The following C19orf38 variants were observed in gnomAD, a reference collection of about 807,000 sequenced individuals.
C19orf38 encodes protein HIDE1.
Under a neutral mutation model 26.6 loss-of-function variants are expected in C19orf38, and 14 were observed. That is an observed-to-expected ratio of 0.53 (90% CI 0.35 to 0.82). C19orf38 has a LOEUF of 0.82. C19orf38 is among the 40% of genes least tolerant of loss of function. The probability of loss-of-function intolerance (pLI) is 0.01; values close to 1 mark genes in which losing one functional copy is unlikely to be tolerated. For missense variants in C19orf38, 261 were observed against 299.5 expected, an observed-to-expected ratio of 0.87 and a Z score of 0.95; for synonymous variants, 132 against 128.5, an observed-to-expected ratio of 1.03 and a Z score of -0.18.
chr19:10,845,617 C>T (rs960111702), upstream of C19orf38, among the ~76,000 whole-genome samples: 3 of 152,108 alleles, frequency 2.0e-5, no homozygotes, highest in African/African-American at 4.8e-5. Context: ...CGGTGGCTCA[C>T]GCCTGTAATC....
intron 6 of C19orf38, among the ~76,000 whole-genome samples, chr19:10,868,053 T>G (rs2073769881): frequency 1.3e-5 from 2 of 152,176 alleles, no homozygotes; most frequent in African/African-American, 4.8e-5. Flanking sequence ...GTTTCCACCT[T>G]TTGGCTGTTG....
intron 6 of C19orf38, among the ~76,000 whole-genome samples, chr19:10,868,125 T>C (rs1322147952): frequency 1.3e-5 from 2 of 152,224 alleles, no homozygotes; most frequent in Admixed American, 1.3e-4. Context: ...CTTTCACTTC[T>C]AGTTTCCTTT....
chr19:10,859,372 ATATATATATATATTTTTT>A lies in C19orf38; in HGVS notation c.462-541_462-524del, dbSNP rs1201595450. On this transcript the variant is annotated intron_variant, in intron 4 of 6. Transcript: ENST00000397820. ...TGTATATATATATATATATATATAT[ATATATATATATATTTTTT>A]TTTTTTTTTTTAGACGGAGTCTCAC... 3.8e-4 allele frequency among the ~76,000 whole-genome samples: 21 copies of A among 54,900 alleles called. 1 individual carries two copies. The highest frequency in any genetic ancestry group is 1.6e-3 in the African/African-American group (21 of 12,836). The allele number at this position is 54,900 out of a possible 152,430, so 36.0% of individuals were successfully genotyped here.
intron 2 of C19orf38, among the ~76,000 whole-genome samples, chr19:10,852,202 T>A (rs1599662111): frequency 6.6e-6 from 1 of 151,344 alleles, no homozygotes; most frequent in Admixed American, 6.6e-5. Flanking sequence ...TAACCTCAAG[T>A]GATCCTCCCA....
intron 1 of C19orf38, 100 bp from the exon 2 acceptor site, chr19:10,850,159 C>A: frequency 8.3e-7 from 1 of 1,202,762 alleles, no homozygotes; most frequent in Non-Finnish European, 1.1e-6. Context: ...TCACAGAAAA[C>A]ACAAGGCTGA....
chr19:10,842,818 G>A (rs1397748583), intron 1 of C19orf38, among the ~76,000 whole-genome samples: 1 of 152,158 alleles, frequency 6.6e-6, no homozygotes, highest in African/African-American at 2.4e-5. Flanking sequence ...TGCCAGCCGG[G>A]GACATCTATG....
At chr19:10,864,185 G>A (rs892635239) in intron 6 of C19orf38, among the ~76,000 whole-genome samples, 3 of 151,862 alleles carry the variant, frequency 2.0e-5, no homozygotes, top group East Asian at 1.9e-4. Context: ...TCAGCCTCCC[G>A]GGCAGCTGGG....
upstream of C19orf38, among the ~76,000 whole-genome samples, chr19:10,846,884 A>C (rs1373102087): frequency 6.6e-6 from 1 of 152,202 alleles, no homozygotes; most frequent in Admixed American, 6.5e-5. Context: ...AAGTTTTCCC[A>C]GAAGTGCTAT....
chr19:10,861,411 A>G (rs1354216414), intron 5 of C19orf38, among the ~76,000 whole-genome samples: 3 of 152,160 alleles, frequency 2.0e-5, no homozygotes, highest in Non-Finnish European at 4.4e-5. Context: ...TCCTGGTCCA[A>G]CACACACACT....
At chr19:10,869,192 C>A in intron 6 of C19orf38, 26 bp from the exon 7 acceptor site, 1 of 1,551,536 alleles carries the variant, frequency 6.4e-7, no homozygotes. Flanking sequence ...TCACCCACTT[C>A]TGTGTTTCTT....
At chr19:10,867,849 C>T (rs1035508208) in intron 6 of C19orf38, among the ~76,000 whole-genome samples, 11 of 151,586 alleles carry the variant, frequency 7.3e-5, no homozygotes, top group African/African-American at 1.9e-4. Context: ...GATGGGGTTT[C>T]ACCATGTTGG....
chr19:10,847,623 C>T (rs763026397), upstream of C19orf38, among the ~76,000 whole-genome samples: 42 of 152,132 alleles, frequency 2.8e-4, no homozygotes, highest in Non-Finnish European at 4.3e-4. Flanking sequence ...CCCACCTCAG[C>T]CTCCCAAAGT....
intron 1 of C19orf38, among the ~76,000 whole-genome samples, chr19:10,836,956 G>A (rs1437623039): frequency 1.3e-5 from 2 of 152,134 alleles, no homozygotes; most frequent in African/African-American, 4.8e-5. Context: ...AGTAGCCTCG[G>A]GTCAGAAAAA....
intron 1 of C19orf38, among the ~76,000 whole-genome samples, chr19:10,837,879 A>G (rs534932281): frequency 1.3e-5 from 2 of 151,896 alleles, no homozygotes; most frequent in South Asian, 2.1e-4. Flanking sequence ...GGCTCACTGC[A>G]ATCTCTACCT....
chr19:10,850,582 T>C lies in C19orf38; in HGVS notation c.340+15T>C. 1.3e-6 allele frequency: 2 copies of C among 1,550,924 alleles called. No homozygotes were observed. The highest frequency in any genetic ancestry group is 8.7e-7 in the Non-Finnish European group (1 of 1,146,820). ...CTCCTTCCCAGGTAAGGCCCTTCTATGGGATCTCACTGCCGGGGGCTTAAT... is the reference window on the plus strand; with the variant it reads ...CTCCTTCCCAGGTAAGGCCCTTCTACGGGATCTCACTGCCGGGGGCTTAAT... On this transcript the variant is annotated intron_variant, in intron 2 of 6. Transcript: ENST00000397820.
At chr19:10,860,642 C>T (rs2073688423) in intron 5 of C19orf38, among the ~76,000 whole-genome samples, 1 of 147,180 alleles carries the variant, frequency 6.8e-6, no homozygotes, top group Non-Finnish European at 1.5e-5. Flanking sequence ...GAGATCGAGA[C>T]CATCCTGGCT....
At chr19:10,838,315 C>T (rs2073452571) in intron 1 of C19orf38, among the ~76,000 whole-genome samples, 1 of 152,126 alleles carries the variant, frequency 6.6e-6, no homozygotes, top group African/African-American at 2.4e-5. Flanking sequence ...GAGGCTGAGG[C>T]AGGAGAATGG....
intron 2 of C19orf38, among the ~76,000 whole-genome samples, chr19:10,854,175 G>A (rs543232617): frequency 6.6e-6 from 1 of 151,258 alleles, no homozygotes; most frequent in African/African-American, 2.4e-5. Flanking sequence ...CGATTCTCGT[G>A]CCTCAGCCTC....
chr19:10,840,646 G>A (rs763611788), intron 1 of C19orf38, among the ~76,000 whole-genome samples: 8 of 152,238 alleles, frequency 5.3e-5, no homozygotes, highest in Non-Finnish European at 8.8e-5. Flanking sequence ...AGCCTCCTGA[G>A]TAGGTGGGAC....
Sources: allele counts gnomAD v4.1 joint callset (sites outside exome capture counted in the v4.1 genomes callset), GRCh38; gene constraint gnomAD v4.1.1; transcripts MANE v1.5; gene names NCBI Gene and HGNC (gene_info 2026-07-23, HGNC 2026-07-21).